TRPV2: variants seen among roughly 807,000 people sequenced by gnomAD.
TRPV2 encodes OTRPC2.
In TRPV2, 58 loss-of-function variants were observed where a neutral mutation model predicts 91.0. The ratio of observed to expected loss-of-function variants is 0.64; its 90% CI spans 0.52 to 0.79. TRPV2 has a LOEUF of 0.79. Ranked by LOEUF, TRPV2 falls within the 30% of genes least tolerant of loss-of-function variation. The probability of loss-of-function intolerance (pLI) is 0.00; values close to 1 mark genes in which losing one functional copy is unlikely to be tolerated. For synonymous variants in TRPV2, 417 were observed against 414.8 expected, an observed-to-expected ratio of 1.01 and a Z score of -0.06; for missense variants, 807 against 969.6, an observed-to-expected ratio of 0.83 and a Z score of 2.23.
At chr17:16,429,086 C>A in intron 10 of TRPV2, 104 bp downstream of exon 10, 1 of 1,293,286 alleles carries the variant, frequency 7.7e-7, no homozygotes, top group Middle Eastern at 2.6e-4. Flanking sequence ...GTACATCTGC[C>A]TGTGCGCCAG....
intron 4 of TRPV2, 148 bp from the exon 5 acceptor site, chr17:16,423,321 C>T (rs2142991938): frequency 2.3e-6 from 2 of 866,806 alleles, no homozygotes; most frequent in Admixed American, 3.0e-5. Context: ...CAAAAGGCAG[C>T]AGGTTGGCTG....
intron 3 of TRPV2, among the ~76,000 whole-genome samples, chr17:16,421,519 A>G (rs1233303994): frequency 1.2e-5 from 1 of 86,702 alleles, no homozygotes; most frequent in East Asian, 3.5e-4. Flanking sequence ...GCGCCTGGCC[A>G]TTTTTTTTTT....
chr17:16,434,499 CA>C (rs917419252), intron 13 of TRPV2, among the ~76,000 whole-genome samples: 13 of 148,638 alleles, frequency 8.7e-5, no homozygotes, highest in Admixed American at 8.7e-4. Context: ...ACAACAGCAA[CA>C]AAAAAAACAG....
Position 16,426,998 on chromosome 17 carries a change from A to G in TRPV2, c.1251+121A>G. On this transcript the variant is annotated intron_variant, in intron 7 of 14. Transcript: ENST00000338560. This position sits in a 1 kb window ranked among gnomAD's most constrained non-coding sequence, Gnocchi z 6.0. Reference sequence around the variant, plus strand: ...CTGCTGGAGTGACATTCCCAAGCTTATGGGAGCCAGCACTGCAGTACTAAC... The same window carrying G: ...CTGCTGGAGTGACATTCCCAAGCTTGTGGGAGCCAGCACTGCAGTACTAAC... 2 of 1,173,346 alleles carry G rather than the reference A, an allele frequency of 1.7e-6. No homozygotes were observed. Among genetic ancestry groups the G allele is most frequent in the Non-Finnish European group, 2.4e-6 (2 of 834,734 alleles). The allele number at this position is 1,173,346 out of a possible 1,614,324, so 72.7% of individuals were successfully genotyped here. A position where few individuals can be genotyped will look rare whatever the true frequency, so the allele number is the denominator to read the frequency against.
Position 16,419,620 on chromosome 17 carries a change from T to G in TRPV2, c.201-495T>G, listed in dbSNP as rs1005971040. ...AAGTGAAGATGAAAGGCACAGAATA[T>G]TCTGTAGTTAATAGATGGTTTCTAA... is the stretch of plus-strand genomic sequence containing the variant. On this transcript the variant is annotated intron_variant, in intron 2 of 14. Transcript: ENST00000338560. 2.0e-5 allele frequency among the ~76,000 whole-genome samples: 3 copies of G among 152,190 alleles called. No individual in the cohort carries two copies. The South Asian group carries it at 6.2e-4, about 32-fold the overall frequency.
rs1350373067 is a variant in TRPV2 at position 16,426,862 on chromosome 17, G to A, written c.1236G>A (p.Gln412=). 1 of 1,612,558 alleles carries A rather than the reference G, an allele frequency of 6.2e-7. No individual in the cohort carries two copies. The highest frequency in any genetic ancestry group is 1.1e-5 in the South Asian group (1 of 91,044). The change falls in exon 7 of 15, where the codon CAG becomes CAA. Residue 412 remains glutamine, a synonymous_variant. Coordinates refer to ENST00000338560, the MANE Select transcript of TRPV2 (RefSeq NM_016113.5). This position sits in a 1 kb window ranked among gnomAD's most constrained non-coding sequence, Gnocchi z 6.0. The part of the protein sequence containing the change: ...MFIFTAVAYH[Q]PTLKKQAAPH... ...TCTTCACCGCTGTTGCCTACCATCA[G>A]CCTACCCTGAAGAAGGCAAGGGCGT...
intron 3 of TRPV2, 79 bp downstream of exon 3, chr17:16,420,327 G>A: frequency 6.5e-7 from 1 of 1,527,082 alleles, no homozygotes; most frequent in Admixed American, 1.8e-5. Context: ...TTGATCCCTG[G>A]TCAGGAGCTG....
intron 2 of TRPV2, chr17:16,419,321 C>A (rs1356652495): frequency 4.2e-6 from 2 of 471,048 alleles, no homozygotes; most frequent in South Asian, 3.1e-5. Context: ...CAGATCCCTT[C>A]CGGGGTCTGT....
At position 16,427,517 on chromosome 17, in the gene TRPV2, G is replaced by C. The variant is rs774299895; in HGVS notation, c.1320G>C (p.Leu440=). The part of the protein sequence containing the change: ...SMLLTGHILI[L]LGGIYLLVGQ... ...TGCTGACGGGCCACATCCTTATCCT[G>C]CTAGGGGGGATCTACCTCCTCGTGG... is the stretch of plus-strand genomic sequence containing the variant. Residue 440 remains leucine (L), a synonymous_variant, in exon 8 of 15, where the codon CTG becomes CTC. Coordinates refer to ENST00000338560, the MANE Select transcript of TRPV2 (RefSeq NM_016113.5). 2 of 1,613,380 alleles carry C rather than the reference G, an allele frequency of 1.2e-6. No homozygotes were observed. Among genetic ancestry groups the C allele is most frequent in the African/African-American group, 2.7e-5 (2 of 74,912 alleles).
At chr17:16,425,249 C>T (rs2093377806) in intron 5 of TRPV2, among the ~76,000 whole-genome samples, 1 of 152,084 alleles carries the variant, frequency 6.6e-6, no homozygotes, top group Non-Finnish European at 1.5e-5. Context: ...GTCTCAAACT[C>T]CCGACCTCTG....
chr17:16,434,467 C>CAA (rs10634588), intron 13 of TRPV2, among the ~76,000 whole-genome samples: 40,122 of 109,212 alleles, frequency 0.37, 7,113 homozygotes, highest in Non-Finnish European at 0.39. Context: ...GACTCCATCT[C>CAA]AAAAAAAAAA....
At chr17:16,419,153 C>T (rs1166153602) in intron 2 of TRPV2, among the ~76,000 whole-genome samples, 1 of 152,162 alleles carries the variant, frequency 6.6e-6, no homozygotes, top group Non-Finnish European at 1.5e-5. Flanking sequence ...AATAGCACCC[C>T]CTGTTCTTTG....
intron 2 of TRPV2, 69 bp from the exon 3 acceptor site, chr17:16,420,046 G>A: frequency 1.3e-6 from 2 of 1,575,140 alleles, no homozygotes. Context: ...AGGGCTCCCT[G>A]GGATGGAGGG....
In TRPV2 at chr17:16,433,464, C is replaced by T. The variant is rs112827791; in HGVS notation, c.1990-110C>T. On this transcript the variant is annotated intron_variant, in intron 12 of 14. Transcript: ENST00000338560. ...GAATCCGCGTGTTTAGTTGACTTCG[C>T]GTTATACTGTGAAGTGCTGCGCGGC... is the stretch of plus-strand genomic sequence containing the variant. 4.1e-5 allele frequency: 60 copies of T among 1,473,942 alleles called. No homozygotes were observed. In the South Asian group the frequency reaches 5.3e-4, roughly 13 times the overall value. The allele number at this position is 1,473,942 out of a possible 1,614,324, so 91.3% of individuals were successfully genotyped here.
chr17:16,431,287 ACATATTTTTTTTT>A (rs1440805918), intron 10 of TRPV2, among the ~76,000 whole-genome samples: 1 of 25,448 alleles, frequency 3.9e-5, no homozygotes, highest in African/African-American at 1.4e-4. Flanking sequence ...ATATATATAT[ACATATTTTTTTTT>A]TTTTTTTTTT....
chr17:16,420,934 A>G (rs1047511727), intron 3 of TRPV2, among the ~76,000 whole-genome samples: 1 of 152,018 alleles, frequency 6.6e-6, no homozygotes. Context: ...CTTTCTTAAT[A>G]CATCAGTATA....
intron 7 of TRPV2, among the ~76,000 whole-genome samples, chr17:16,427,185 T>A (rs1409602178): frequency 6.6e-6 from 1 of 152,144 alleles, no homozygotes; most frequent in African/African-American, 2.4e-5. Flanking sequence ...AGAGGTTAAG[T>A]AACTTGCCCA....
rs1395506687 is a variant in TRPV2, at chr17:16,431,277, A to T, written c.1588-507A>T. ...GAGACATATATATATATATATATAT[A>T]TATATATATACATATTTTTTTTTTT... On this transcript the variant is annotated intron_variant, in intron 10 of 14. Coordinates refer to ENST00000338560, the MANE Select transcript of TRPV2 (RefSeq NM_016113.5). Among the ~76,000 whole-genome samples, 100 of 75,726 alleles carry T rather than the reference A, an allele frequency of 1.3e-3. 2 individuals are homozygous for T. Among genetic ancestry groups the T allele is most frequent in the African/African-American group, 5.9e-3 (100 of 17,004 alleles). 49.7% of individuals were successfully genotyped at this position (75,726 alleles called of 152,430 possible).
chr17:16,433,433 A>C, intron 12 of TRPV2, 141 bp from the exon 13 acceptor site: 84 of 1,111,578 alleles, frequency 7.6e-5, no homozygotes, highest in Middle Eastern at 2.9e-4. Context: ...TGTTGGAGCC[A>C]GATTCGAATC....
Sources: allele counts gnomAD v4.1 joint callset (sites outside exome capture counted in the v4.1 genomes callset), GRCh38; gene constraint gnomAD v4.1.1; non-coding constraint Gnocchi (gnomAD v3.1); transcripts MANE v1.5; gene names NCBI Gene and HGNC (gene_info 2026-07-23, HGNC 2026-07-21).